Variants in SFXN5 observed in about 807,000 individuals in gnomAD.
The protein encoded by SFXN5 is sideroflexin-5.
A neutral mutation model predicts 50.2 loss-of-function variants in SFXN5; 43 were observed. That is an observed-to-expected ratio of 0.86 (90% CI 0.67 to 1.11). The LOEUF is 1.11. Among genes scored for constraint, SFXN5 ranks in the 50% least tolerant of loss-of-function variants. The pLI, the probability that SFXN5 is intolerant of heterozygous loss-of-function variation, is 0.00. For missense variants in SFXN5, 463 were observed against 454.1 expected (o/e 1.02, Z -0.18); for synonymous variants, 203 against 185.8 (o/e 1.09, Z -0.75).
At chr2:73,067,247 A>C (rs950023236) in intron 1 of SFXN5, among the ~76,000 whole-genome samples, 6 of 152,244 alleles carry the variant, frequency 3.9e-5, no homozygotes, top group African/African-American at 1.4e-4. Flanking sequence ...AAAATTGTCA[A>C]GGTCATCAAA....
chr2:73,040,826 G>T, intron 3 of SFXN5, 28 bp downstream of exon 3: 3 of 1,579,562 alleles, frequency 1.9e-6, no homozygotes, highest in Non-Finnish European at 2.6e-6. Context: ...TTCCCCACTG[G>T]CCATGCTCCC....
chr2:73,043,809 T>C (rs981784471), intron 2 of SFXN5, among the ~76,000 whole-genome samples: 1 of 152,200 alleles, frequency 6.6e-6, no homozygotes, highest in Non-Finnish European at 1.5e-5. Flanking sequence ...ACCCCTAAGA[T>C]AACAACTCCA....
chr2:72,972,507 G>A (rs1184779167), intron 10 of SFXN5, among the ~76,000 whole-genome samples: 1 of 152,226 alleles, frequency 6.6e-6, no homozygotes, highest in Non-Finnish European at 1.5e-5. Context: ...GTGAAGCACT[G>A]GTTGTTGAAG....
At chr2:73,044,824 G>T (rs1680109440) in intron 2 of SFXN5, among the ~76,000 whole-genome samples, 1 of 152,232 alleles carries the variant, frequency 6.6e-6, no homozygotes, top group East Asian at 1.9e-4. Flanking sequence ...GTCTCCAGAA[G>T]ATCCCTCTGG....
chr2:73,063,025 TG>T (rs1682927908), intron 1 of SFXN5, among the ~76,000 whole-genome samples: 1 of 152,072 alleles, frequency 6.6e-6, no homozygotes, highest in Admixed American at 6.6e-5. Context: ...TGACCGACTG[TG>T]GGGAAATGAG....
In SFXN5 at chr2:72,946,885, C is replaced by T. The variant is rs553994668; in HGVS notation, c.946-1786G>A. ...CCTCAGGGATCAAGTCAGACTCCCG[C>T]GCCACCCTGCTCCTTGGACTGGAGA... On this transcript the variant is annotated intron_variant, in intron 13 of 13. Transcript: ENST00000272433. 2.2e-4 allele frequency among the ~76,000 whole-genome samples: 34 copies of T among 152,318 alleles called. No homozygotes were observed. In the East Asian group the frequency reaches 4.4e-3, roughly 20 times the overall value.
intron 1 of SFXN5, among the ~76,000 whole-genome samples, chr2:73,060,726 G>A (rs567162837): frequency 6.8e-6 from 1 of 147,798 alleles, no homozygotes; most frequent in East Asian, 2.0e-4. Context: ...TTTTAAGACA[G>A]GGTCTAACTC....
intron 13 of SFXN5, among the ~76,000 whole-genome samples, chr2:72,959,701 C>G (rs1466836638): frequency 3.9e-5 from 6 of 152,136 alleles, no homozygotes; most frequent in Non-Finnish European, 5.9e-5. Flanking sequence ...CGTCTGTGCT[C>G]TGGTCCCCCC....
In SFXN5 at chr2:72,942,072, A is replaced by G. The variant is rs533854200; in HGVS notation, c.*2950T>C. On this transcript the variant is annotated 3_prime_UTR_variant, in exon 14 of 14. Transcript: ENST00000272433. Reference sequence around the variant, plus strand: ...CCGTATTTATTGCCCAAAGCTCATTAGTATTACACAAATCACATAGATTGA... The same window carrying G: ...CCGTATTTATTGCCCAAAGCTCATTGGTATTACACAAATCACATAGATTGA... 1.3e-5 allele frequency: 2 copies of G among 152,228 alleles called. No homozygotes were observed. Among genetic ancestry groups the G allele is most frequent in the Non-Finnish European group, 2.9e-5 (2 of 68,052 alleles). 9.4% of individuals were successfully genotyped at this position (152,228 alleles called of 1,614,324 possible).
At chr2:73,052,359 C>CGTGT (rs59839344) in intron 2 of SFXN5, among the ~76,000 whole-genome samples, 273 of 142,440 alleles carry the variant, frequency 1.9e-3, no homozygotes, top group Middle Eastern at 7.4e-3. Flanking sequence ...TGTGTGTATG[C>CGTGT]GTGTGTGTGT....
In SFXN5 at chr2:73,007,108, T is replaced by C. The variant is rs141310099; in HGVS notation, c.358-5530A>G. On this transcript the variant is annotated intron_variant, in intron 6 of 13. Coordinates refer to ENST00000272433, the MANE Select transcript of SFXN5 (RefSeq NM_144579.3). ...AGTCTGCTTGGCCAGAAGTGGAACA[T>C]GAACAGCTGAAGATAAAGGCAGGAG... Among the ~76,000 whole-genome samples, 702 of 152,182 alleles carry C rather than the reference T, an allele frequency of 4.6e-3. 9 individuals carry two copies. Among genetic ancestry groups the C allele is most frequent in the African/African-American group, 0.015 (631 of 41,522 alleles).
chr2:72,977,704 G>A (rs1223203578), intron 10 of SFXN5, among the ~76,000 whole-genome samples: 1 of 152,096 alleles, frequency 6.6e-6, no homozygotes, highest in Non-Finnish European at 1.5e-5. Context: ...GTGGGGTGTG[G>A]TGCCTCACTC....
intron 10 of SFXN5, among the ~76,000 whole-genome samples, chr2:72,979,404 C>T (rs147129677): frequency 0.025 from 3,595 of 144,790 alleles, 148 homozygotes; most frequent in African/African-American, 0.085. Flanking sequence ...GAGGCCAAGG[C>T]GGGTGGATCA....
chr2:72,998,688 C>T, intron 9 of SFXN5: 1 of 518,306 alleles, frequency 1.9e-6, no homozygotes, highest in Non-Finnish European at 3.5e-6. Context: ...CAGCCCCACT[C>T]AAGACAGATG....
chr2:73,018,877 A>G (rs1448324298), intron 6 of SFXN5, among the ~76,000 whole-genome samples: 1 of 152,228 alleles, frequency 6.6e-6, no homozygotes, highest in Non-Finnish European at 1.5e-5. Context: ...ATCCATTCTC[A>G]GATCACACAT....
Position 72,971,561 on chromosome 2 carries a change from C to A in SFXN5, c.741+9G>T, listed in dbSNP as rs777004818. On this transcript the variant is annotated intron_variant, in intron 11 of 13. Coordinates refer to ENST00000272433, the MANE Select transcript of SFXN5 (RefSeq NM_144579.3). The stretch of plus-strand genomic sequence containing the variant: ...TGGCCTCCCCAACCCTGCGAACCCC[C>A]AGACCCACGTGTCGGGCTGCGATCT... The A allele has an allele frequency of 1.2e-6, 2 of 1,611,774 alleles. No individual in the cohort carries two copies. Among genetic ancestry groups the A allele is most frequent in the Non-Finnish European group, 1.7e-6 (2 of 1,178,166 alleles).
At chr2:72,970,184 T>C (rs1042113681) in intron 11 of SFXN5, among the ~76,000 whole-genome samples, 2 of 151,842 alleles carry the variant, frequency 1.3e-5, no homozygotes, top group Admixed American at 6.6e-5. Context: ...GAATGGGAGG[T>C]TGGGGACAGG....
chr2:72,952,471 T>C (rs1672638981), intron 13 of SFXN5, among the ~76,000 whole-genome samples: 1 of 152,206 alleles, frequency 6.6e-6, no homozygotes, highest in South Asian at 2.1e-4. Flanking sequence ...CTATGCCTTG[T>C]GCACAGTAGG....
In SFXN5 at chr2:73,020,300, C is replaced by A. The variant is rs772470122; in HGVS notation, c.332-36G>T. The stretch of plus-strand genomic sequence containing the variant: ...GAAGAAAAGAGTCAGGCCTTATAAT[C>A]CACTCACATCTCACCTGAGATACCC... On this transcript the variant is annotated intron_variant, in intron 5 of 13. Coordinates refer to ENST00000272433, the MANE Select transcript of SFXN5 (RefSeq NM_144579.3). The A allele has an allele frequency of 8.1e-6, 13 of 1,611,794 alleles. No individual in the cohort carries two copies. The South Asian group carries it at 1.3e-4, about 16-fold the overall frequency.
Sources: allele counts gnomAD v4.1 joint callset (sites outside exome capture counted in the v4.1 genomes callset), GRCh38; gene constraint gnomAD v4.1.1; transcripts MANE v1.5; gene names NCBI Gene and HGNC (gene_info 2026-07-23, HGNC 2026-07-21).